BICC1: variants seen among roughly 807,000 people sequenced by gnomAD.
BICC1 encodes protein bicaudal C homolog 1.
Under a neutral mutation model 111.0 loss-of-function variants are expected in BICC1, and 43 were observed. The ratio of observed to expected loss-of-function variants is 0.39; its 90% confidence interval spans 0.30 to 0.50. The LOEUF (loss-of-function observed/expected upper bound fraction) is 0.50, where lower values mean the gene tolerates loss of function less well. BICC1 is among the 20% of genes least tolerant of loss of function. The probability of loss-of-function intolerance (pLI) is 0.88; values close to 1 mark genes in which losing one functional copy is unlikely to be tolerated. For missense variants in BICC1, 1,091 were observed against 1,203.2 expected (o/e 0.91, Z 1.38); for synonymous variants, 467 against 434.4 (o/e 1.07, Z -0.93).
intron 2 of BICC1, among the ~76,000 whole-genome samples, chr10:58,673,668 C>T (rs1839248829): frequency 6.6e-6 from 1 of 152,176 alleles, no homozygotes; most frequent in South Asian, 2.1e-4. Context: ...GTCACACAGG[C>T]TGGAGTGCAG....
intron 3 of BICC1, among the ~76,000 whole-genome samples, chr10:58,710,164 C>T (rs985787270): frequency 6.6e-5 from 10 of 152,106 alleles, no homozygotes; most frequent in South Asian, 2.1e-4. Context: ...TTTTCATTTT[C>T]GGATGAAGAA....
chr10:58,637,834 T>G (rs1837996453), intron 2 of BICC1, among the ~76,000 whole-genome samples: 1 of 152,070 alleles, frequency 6.6e-6, no homozygotes, highest in Admixed American at 6.6e-5. Flanking sequence ...AACTTATAAA[T>G]TGGGACAGGC....
chr10:58,534,027 A>G (rs1392334679), intron 1 of BICC1, among the ~76,000 whole-genome samples: 1 of 151,924 alleles, frequency 6.6e-6, no homozygotes, highest in Non-Finnish European at 1.5e-5. Context: ...TGCTGTCTAC[A>G]AGACACTTTA....
intron 3 of BICC1, among the ~76,000 whole-genome samples, chr10:58,764,901 AT>A (rs1371058828): frequency 6.6e-6 from 1 of 152,174 alleles, no homozygotes; most frequent in Non-Finnish European, 1.5e-5. Flanking sequence ...ATCTGGAATA[AT>A]CAAGGTGATA....
At chr10:58,638,380 T>C (rs1408132334) in intron 2 of BICC1, among the ~76,000 whole-genome samples, 2 of 152,050 alleles carry the variant, frequency 1.3e-5, no homozygotes, top group African/African-American at 2.4e-5. Flanking sequence ...TGGGGATAAG[T>C]GTATTCTTTT....
intron 2 of BICC1, among the ~76,000 whole-genome samples, chr10:58,633,480 A>G (rs930214087): frequency 1.3e-5 from 2 of 152,254 alleles, no homozygotes; most frequent in Non-Finnish European, 2.9e-5. Context: ...TTCCTAAATG[A>G]TAAATGCATT....
intron 2 of BICC1, among the ~76,000 whole-genome samples, chr10:58,641,033 T>C (rs2132213616): frequency 6.6e-6 from 1 of 152,336 alleles, no homozygotes; most frequent in African/African-American, 2.4e-5. Context: ...TGTATTTTCT[T>C]TCAATTGTCT....
intron 1 of BICC1, among the ~76,000 whole-genome samples, chr10:58,608,064 A>G (rs1230596400): frequency 6.6e-6 from 1 of 152,186 alleles, no homozygotes; most frequent in Admixed American, 6.5e-5. Context: ...ACATTTCCTA[A>G]AAGAAACAAT....
intron 11 of BICC1, 89 bp from the exon 12 acceptor site, chr10:58,798,965 AGC>A: frequency 9.8e-7 from 1 of 1,019,206 alleles, no homozygotes; most frequent in East Asian, 2.6e-5. Flanking sequence ...CTGAACTTGC[AGC>A]AACAAAAATG....
At chr10:58,645,502 C>T (rs969355035) in intron 2 of BICC1, among the ~76,000 whole-genome samples, 3 of 150,408 alleles carry the variant, frequency 2.0e-5, no homozygotes, top group Non-Finnish European at 4.4e-5. Context: ...CCAGGATGAA[C>T]GTGCTTTCAA....
intron 3 of BICC1, among the ~76,000 whole-genome samples, chr10:58,778,777 T>C (rs1309848194): frequency 6.6e-6 from 1 of 152,226 alleles, no homozygotes; most frequent in African/African-American, 2.4e-5. Context: ...TGACATGTTA[T>C]GGCTGCCCAC....
intron 1 of BICC1, among the ~76,000 whole-genome samples, chr10:58,537,845 A>G (rs758838406): frequency 1.1e-4 from 16 of 151,812 alleles, no homozygotes; most frequent in Non-Finnish European, 2.1e-4. Context: ...AACCAAGCTG[A>G]GTATGAAATT....
intron 3 of BICC1, among the ~76,000 whole-genome samples, chr10:58,770,224 G>A (rs1287241530): frequency 6.6e-6 from 1 of 152,018 alleles, no homozygotes; most frequent in Admixed American, 6.6e-5. Flanking sequence ...TGGTAAATTA[G>A]TCTTCATTGA....
At chr10:58,740,701 A>G (rs1841632341) in intron 3 of BICC1, among the ~76,000 whole-genome samples, 1 of 152,210 alleles carries the variant, frequency 6.6e-6, no homozygotes, top group Non-Finnish European at 1.5e-5. Flanking sequence ...AGAGTTTAAA[A>G]CAAAGTGTCA....
chr10:58,550,714 G>A (rs1364329468), intron 1 of BICC1, among the ~76,000 whole-genome samples: 2 of 151,870 alleles, frequency 1.3e-5, no homozygotes, highest in African/African-American at 2.4e-5. Context: ...TCATTGAATC[G>A]CCTTTCTGTG....
At chr10:58,667,639 G>A (rs1839058376) in intron 2 of BICC1, among the ~76,000 whole-genome samples, 1 of 152,004 alleles carries the variant, frequency 6.6e-6, no homozygotes, top group Non-Finnish European at 1.5e-5. Context: ...AAAGGCAATA[G>A]GGTAGAGGGG....
chr10:58,632,278 G>T (rs746327133), intron 2 of BICC1, among the ~76,000 whole-genome samples: 2 of 152,198 alleles, frequency 1.3e-5, no homozygotes, highest in Non-Finnish European at 2.9e-5. Context: ...TTGTAAGATG[G>T]TGTTAGCATG....
intron 2 of BICC1, among the ~76,000 whole-genome samples, chr10:58,643,525 A>G (rs1028261980): frequency 3.9e-5 from 6 of 152,236 alleles, no homozygotes; most frequent in African/African-American, 1.4e-4. Context: ...TGAATTCTGA[A>G]TAGCAGAATG....
intron 1 of BICC1, among the ~76,000 whole-genome samples, chr10:58,535,333 G>A (rs899654505): frequency 2.6e-5 from 4 of 151,770 alleles, no homozygotes; most frequent in African/African-American, 9.6e-5. Context: ...AGAACAGCGA[G>A]ACAAAAGCAT....
Sources: gnomAD v4.1 joint callset for allele counts (sites outside exome capture counted in the v4.1 genomes callset) on GRCh38, gnomAD v4.1.1 for gene constraint, MANE v1.5 for transcripts, NCBI Gene and HGNC (gene_info 2026-07-23, HGNC 2026-07-21) for gene names.